CACNA1E: variants seen among roughly 807,000 people sequenced by gnomAD.
The protein encoded by CACNA1E is calcium voltage-gated channel subunit alpha1 E, also known as voltage-dependent R-type calcium channel subunit alpha-1E.
In CACNA1E, 40 loss-of-function variants were observed where a neutral mutation model predicts 259.2. The observed-to-expected ratio is 0.15, with a 90% CI of 0.12 to 0.20. The LOEUF is 0.20. CACNA1E is among the 10% of genes least tolerant of loss of function. The probability of loss-of-function intolerance (pLI) is 1.00; values close to 1 mark genes in which losing one functional copy is unlikely to be tolerated. For missense variants in CACNA1E, 1,874 were observed against 3,040.1 expected (o/e 0.62, Z 9.02); for synonymous variants, 1,104 against 1,138.5 (o/e 0.97, Z 0.61).
intron 6 of CACNA1E, among the ~76,000 whole-genome samples, chr1:181,641,240 G>A (rs1202691934): frequency 1.3e-5 from 2 of 152,214 alleles, no homozygotes; most frequent in African/African-American, 4.8e-5. Flanking sequence ...CCTTATAGCG[G>A]CTTAGCAGTG....
At chr1:181,510,066 G>A (rs1475974840) in intron 1 of CACNA1E, among the ~76,000 whole-genome samples, 1 of 152,168 alleles carries the variant, frequency 6.6e-6, no homozygotes, top group African/African-American at 2.4e-5. Context: ...CCAGTTCAGT[G>A]GTTTGAAGAC....
chr1:181,486,510 A>G (rs1007558099), intron 1 of CACNA1E, among the ~76,000 whole-genome samples: 1 of 152,172 alleles, frequency 6.6e-6, no homozygotes, highest in Non-Finnish European at 1.5e-5. Context: ...TAACTTCCCA[A>G]GTATCTTGCT....
intron 1 of CACNA1E, among the ~76,000 whole-genome samples, chr1:181,504,812 A>G (rs113374700): frequency 0.025 from 3,811 of 152,344 alleles, 152 homozygotes; most frequent in African/African-American, 0.087. Flanking sequence ...GGTAAAGGAG[A>G]TAAATCAATA....
intron 16 of CACNA1E, 77 bp downstream of exon 16, chr1:181,721,952 G>T: frequency 2.1e-6 from 2 of 955,268 alleles, no homozygotes; most frequent in Non-Finnish European, 3.4e-6. Context: ...GGTGGTGGTG[G>T]TGCTAGAGCT....
chr1:181,391,945 C>CTGTGTGTG (rs201388697), intron 1 of CACNA1E, among the ~76,000 whole-genome samples: 1 of 118,194 alleles, frequency 8.5e-6, no homozygotes, highest in Non-Finnish European at 1.7e-5. Flanking sequence ...CTCTCTCTCT[C>CTGTGTGTG]TGTGTGTGTG....
At chr1:181,797,020 A>G (rs1254752896) in intron 47 of CACNA1E, among the ~76,000 whole-genome samples, 162 bp downstream of exon 47, 1 of 152,234 alleles carries the variant, frequency 6.6e-6, no homozygotes, top group Non-Finnish European at 1.5e-5. Context: ...TAGCTGCTCA[A>G]TGCTTGTGTA....
At chr1:181,391,568 C>T (rs1039049485) in intron 1 of CACNA1E, among the ~76,000 whole-genome samples, 1 of 152,106 alleles carries the variant, frequency 6.6e-6, no homozygotes, top group African/African-American at 2.4e-5. Flanking sequence ...GCAAAGGAGA[C>T]ACCACCATGG....
At chr1:181,679,171 A>G (rs1427789042) in intron 7 of CACNA1E, among the ~76,000 whole-genome samples, 2 of 152,232 alleles carry the variant, frequency 1.3e-5, no homozygotes, top group African/African-American at 4.8e-5. Context: ...CTGGAAAAGA[A>G]TAGCCGGAAA....
chr1:181,565,449 A>G (rs547719038), intron 3 of CACNA1E, among the ~76,000 whole-genome samples: 20 of 152,292 alleles, frequency 1.3e-4, no homozygotes, highest in East Asian at 1.2e-3. Flanking sequence ...TCTGGAAGAG[A>G]AAACATGGAT....
chr1:181,476,159 G>A (rs960372949), intron 2 of CACNA1E, among the ~76,000 whole-genome samples: 1 of 152,160 alleles, frequency 6.6e-6, no homozygotes, highest in Admixed American at 6.5e-5. Flanking sequence ...ACCATCAGGG[G>A]TTCAGTGGTA....
chr1:181,446,944 CT>C (rs1660827401), intron 2 of CACNA1E, among the ~76,000 whole-genome samples: 2 of 152,178 alleles, frequency 1.3e-5, no homozygotes, highest in South Asian at 4.1e-4. Flanking sequence ...ACCTGTTGGA[CT>C]CTTCTTAATT....
rs148109183 is a variant in CACNA1E at position 181,547,350 on chromosome 1, C to T, written c.513-30416C>T. On this transcript the variant is annotated intron_variant, in intron 3 of 47. Coordinates refer to ENST00000367573, the MANE Select transcript of CACNA1E (RefSeq NM_001205293.3). ...CTCATGCCTGTCGCTTTGGATTTCT[C>T]ACCCCTGTTCATGATCTGCCCTCCT... 1.7e-3 allele frequency among the ~76,000 whole-genome samples: 264 copies of T among 152,354 alleles called. 2 individuals carry two copies. Among genetic ancestry groups the T allele is most frequent in the African/African-American group, 5.9e-3 (244 of 41,570 alleles).
chr1:181,554,206 T>C (rs892524256), intron 3 of CACNA1E, among the ~76,000 whole-genome samples: 6 of 152,058 alleles, frequency 3.9e-5, no homozygotes, highest in Non-Finnish European at 8.8e-5. Flanking sequence ...ATAGATGAGG[T>C]TTTGCCATGT....
At position 181,776,386 on chromosome 1, in the gene CACNA1E, A is replaced by C; in HGVS notation, c.5267+158A>C. On this transcript the variant is annotated intron_variant, in intron 38 of 47. Transcript: ENST00000367573. This position sits in a 1 kb window ranked among gnomAD's most constrained non-coding sequence, Gnocchi z 4.4. ...GCCCATAGAAGAGGCTCTGGTATCAAGCCAGTCACCAAGGACTTCTGTATC... is the reference window on the plus strand; with the variant it reads ...GCCCATAGAAGAGGCTCTGGTATCACGCCAGTCACCAAGGACTTCTGTATC... 1 of 689,228 alleles carries C rather than the reference A, an allele frequency of 1.5e-6. No individual in the cohort carries two copies. The highest frequency in any genetic ancestry group is 1.8e-5 in the South Asian group (1 of 55,250). The allele number at this position is 689,228 out of a possible 1,614,324, so 42.7% of individuals were successfully genotyped here.
intron 1 of CACNA1E, among the ~76,000 whole-genome samples, chr1:181,375,235 G>C (rs1422042604): frequency 6.6e-6 from 1 of 152,184 alleles, no homozygotes; most frequent in East Asian, 1.9e-4. Flanking sequence ...GCTTAGTGAT[G>C]CATTAGACAA....
intron 2 of CACNA1E, among the ~76,000 whole-genome samples, chr1:181,416,801 C>A (rs1331051942): frequency 6.6e-6 from 1 of 152,194 alleles, no homozygotes; most frequent in African/African-American, 2.4e-5. Context: ...CCACCTACTA[C>A]CCCTCGTTGC....
intron 26 of CACNA1E, 36 bp from the exon 27 acceptor site, chr1:181,752,107 A>G: frequency 7.4e-7 from 1 of 1,353,928 alleles, no homozygotes; most frequent in Non-Finnish European, 1.1e-6. Flanking sequence ...TTTCTCCCCC[A>G]TTCCATATGA....
chr1:181,715,243 G>C lies in CACNA1E; in HGVS notation c.1172-95G>C, dbSNP rs1319687796. ...AGGCTCTGAACTCTGCTCTCTCTCT[G>C]TTGCCCTGAGCTGAAGTTGTCCCTG... is the stretch of plus-strand genomic sequence containing the variant. On this transcript the variant is annotated intron_variant, in intron 8 of 47. Transcript: ENST00000367573. The C allele has an allele frequency of 4.0e-6, 3 of 744,234 alleles. No individual in the cohort carries two copies. In the East Asian group the frequency reaches 8.0e-5, roughly 20 times the overall value. 46.1% of individuals were successfully genotyped at this position (744,234 alleles called of 1,614,324 possible). A position where few individuals can be genotyped will look rare whatever the true frequency, so the allele number is the denominator to read the frequency against.
At chr1:181,392,474 C>A (rs1161589268) in intron 1 of CACNA1E, among the ~76,000 whole-genome samples, 2 of 151,326 alleles carry the variant, frequency 1.3e-5, no homozygotes, top group African/African-American at 4.9e-5. Flanking sequence ...GATAGTTTAC[C>A]TCTCCAAAAA....
Sources: gnomAD v4.1 joint callset for allele counts (sites outside exome capture counted in the v4.1 genomes callset) on GRCh38, gnomAD v4.1.1 for gene constraint, Gnocchi (gnomAD v3.1) non-coding constraint, MANE v1.5 for transcripts, NCBI Gene and HGNC (gene_info 2026-07-23, HGNC 2026-07-21) for gene names.